Variants in ARSK observed in about 807,000 individuals in gnomAD.
ARSK encodes arylsulfatase K.
Under a neutral mutation model 53.2 loss-of-function variants are expected in ARSK, and 37 were observed. The ratio of observed to expected loss-of-function variants is 0.70; its 90% CI spans 0.54 to 0.92. The LOEUF (loss-of-function observed/expected upper bound fraction) is 0.92. ARSK is among the 40% of genes least tolerant of loss of function. ARSK has a pLI of 0.00. For missense variants in ARSK, 613 were observed against 643.0 expected, an observed-to-expected ratio of 0.95 and a Z score of 0.51; for synonymous variants, 208 against 223.2, an observed-to-expected ratio of 0.93 and a Z score of 0.61.
chr5:95,583,240 A>G, intron 4 of ARSK, 42 bp downstream of exon 4: 1 of 1,420,854 alleles, frequency 7.0e-7, no homozygotes, highest in South Asian at 1.7e-5. Context: ...AGATTTATAT[A>G]TGTGGCTTAT....
At chr5:95,597,922 G>C (rs1386732376) in intron 6 of ARSK, among the ~76,000 whole-genome samples, 1 of 150,642 alleles carries the variant, frequency 6.6e-6, no homozygotes, top group Non-Finnish European at 1.5e-5. Flanking sequence ...GCGGGTAATA[G>C]TGGCTATTTC....
chr5:95,583,266 GTTTCT>G (rs1749052953), intron 4 of ARSK, 68 bp downstream of exon 4: 5 of 1,302,780 alleles, frequency 3.8e-6, no homozygotes, highest in Non-Finnish European at 5.0e-6. Context: ...TTTGCTCATT[GTTTCT>G]TTTATTATCA....
At chr5:95,595,613 A>G (rs1749294498) in intron 6 of ARSK, among the ~76,000 whole-genome samples, 1 of 151,742 alleles carries the variant, frequency 6.6e-6, no homozygotes, top group Admixed American at 6.6e-5. Flanking sequence ...TGAGAACTAA[A>G]CATTGGTTAC....
Position 95,568,167 on chromosome 5 carries a change from C to T in ARSK, c.416+118C>T, listed in dbSNP as rs138325419. 305 of 1,119,694 alleles carry T rather than the reference C, an allele frequency of 2.7e-4. 2 individuals carry two copies. In the African/African-American group the frequency reaches 4.1e-3, roughly 15 times the overall value. The allele number at this position is 1,119,694 out of a possible 1,614,324, so 69.4% of individuals were successfully genotyped here. A position where few individuals can be genotyped will look rare whatever the true frequency, so the allele number is the denominator to read the frequency against. On this transcript the variant is annotated intron_variant, in intron 3 of 7. Coordinates refer to ENST00000380009, the MANE Select transcript of ARSK (RefSeq NM_198150.3). ...AAAGGTGAAAGTAAATCTCTTAATC[C>T]CTTCATTGTGTTAATTAGGCTGAAA...
At chr5:95,559,827 C>T (rs1266087620) in intron 1 of ARSK, among the ~76,000 whole-genome samples, 3 of 152,136 alleles carry the variant, frequency 2.0e-5, no homozygotes, top group Non-Finnish European at 4.4e-5. Flanking sequence ...TGCTATACAG[C>T]ATTGTACTGG....
At chr5:95,579,514 G>A (rs950725876) in intron 3 of ARSK, among the ~76,000 whole-genome samples, 3 of 152,160 alleles carry the variant, frequency 2.0e-5, no homozygotes, top group Non-Finnish European at 2.9e-5. Flanking sequence ...CCATCCCCAT[G>A]ATTCAATTAC....
Position 95,582,911 on chromosome 5 carries a change from C to T in ARSK, c.417-5C>T. On this transcript the variant is annotated splice_region_variant and splice_polypyrimidine_tract_variant and intron_variant, in intron 3 of 7. Coordinates refer to ENST00000380009, the MANE Select transcript of ARSK (RefSeq NM_198150.3). ...GACAATATATGTGTCTTTTTGCCCCCTCAGTAATCGTGTGGAAGCGTGGAC... is the reference window on the plus strand; with the variant it reads ...GACAATATATGTGTCTTTTTGCCCCTTCAGTAATCGTGTGGAAGCGTGGAC... 6.3e-7 allele frequency: 1 copy of T among 1,582,770 alleles called. No individual in the cohort carries two copies. Among genetic ancestry groups the T allele is most frequent in the Non-Finnish European group, 8.6e-7 (1 of 1,160,952 alleles).
At chr5:95,583,853 C>T (rs987666593) in intron 4 of ARSK, among the ~76,000 whole-genome samples, 2 of 152,126 alleles carry the variant, frequency 1.3e-5, no homozygotes. Flanking sequence ...TTAACTTTTG[C>T]ACTTTCAATG....
chr5:95,556,251 A>AT, intron 1 of ARSK: 1 of 701,900 alleles, frequency 1.4e-6, no homozygotes, highest in Non-Finnish European at 2.6e-6. Context: ...TGCCCATGGG[A>AT]TTTTTTGAAA....
At chr5:95,585,661 G>T (rs1749099930) in intron 4 of ARSK, among the ~76,000 whole-genome samples, 1 of 152,124 alleles carries the variant, frequency 6.6e-6, no homozygotes, top group South Asian at 2.1e-4. Flanking sequence ...GGGACTGGTT[G>T]GGGGAAGGTG....
At chr5:95,581,998 T>C (rs1472109173) in intron 3 of ARSK, among the ~76,000 whole-genome samples, 1 of 152,166 alleles carries the variant, frequency 6.6e-6, no homozygotes, top group African/African-American at 2.4e-5. Flanking sequence ...TTTTAGCTTA[T>C]ATATGGGTGG....
At chr5:95,586,461 T>G in intron 4 of ARSK, 101 bp from the exon 5 acceptor site, 1 of 908,864 alleles carries the variant, frequency 1.1e-6, no homozygotes, top group Admixed American at 2.6e-5. Flanking sequence ...TTTCTACTAT[T>G]CTAAGTAATT....
At chr5:95,557,565 G>A (rs1748544787) in intron 1 of ARSK, among the ~76,000 whole-genome samples, 1 of 152,100 alleles carries the variant, frequency 6.6e-6, no homozygotes, top group South Asian at 2.1e-4. Context: ...CAGTTTCTTT[G>A]AAGTTTTTGT....
At chr5:95,592,156 A>G (rs1749229077) in intron 6 of ARSK, among the ~76,000 whole-genome samples, 1 of 152,228 alleles carries the variant, frequency 6.6e-6, no homozygotes, top group Middle Eastern at 3.2e-3. Flanking sequence ...TAGAATAACG[A>G]CATAATCAAA....
chr5:95,580,865 G>T, intron 3 of ARSK: 1 of 1,266,342 alleles, frequency 7.9e-7, no homozygotes, highest in South Asian at 1.3e-5. Context: ...AATTTGCAAA[G>T]AAATAAATTG....
In ARSK at chr5:95,576,872, T is replaced by A. The variant is rs115930216; in HGVS notation, c.417-6044T>A. On this transcript the variant is annotated intron_variant, in intron 3 of 7. Transcript: ENST00000380009. The stretch of plus-strand genomic sequence containing the variant: ...CAGCTGCATCTTTAAAACCTCCAGT[T>A]ACTGGATTATTTTCTTTCTAAATTT... Among the ~76,000 whole-genome samples the A allele has an allele frequency of 6.9e-3, 1,045 of 152,276 alleles. 14 individuals are homozygous for A. Among genetic ancestry groups the A allele is most frequent in the African/African-American group, 0.024 (999 of 41,546 alleles).
chr5:95,600,623 A>G (rs1427081267), intron 6 of ARSK: 2 of 667,052 alleles, frequency 3.0e-6, no homozygotes, highest in Non-Finnish European at 5.5e-6. Flanking sequence ...CCCTTCTTAC[A>G]GATGAGAAAA....
intron 6 of ARSK, among the ~76,000 whole-genome samples, chr5:95,592,929 G>C (rs1183261361): frequency 1.3e-5 from 2 of 152,056 alleles, no homozygotes; most frequent in African/African-American, 4.8e-5. Flanking sequence ...ATCACACTCA[G>C]CCATATCTGG....
At position 95,586,823 on chromosome 5, in the gene ARSK, A is replaced by G. The variant is rs964892750; in HGVS notation, c.871+90A>G. The G allele has an allele frequency of 4.3e-6, 5 of 1,154,944 alleles. No homozygotes were observed. The Admixed American group carries it at 1.4e-4, about 33-fold the overall frequency. 71.5% of individuals were successfully genotyped at this position (1,154,944 alleles called of 1,614,324 possible). A position where few individuals can be genotyped will look rare whatever the true frequency, so the allele number is the denominator to read the frequency against. ...AATCATGCTGCTTGGTGACTTTCTT[A>G]CAAAGTTGCTTATAACTATAGGAAT... is the stretch of plus-strand genomic sequence containing the variant. On this transcript the variant is annotated intron_variant, in intron 5 of 7. Transcript: ENST00000380009.
Sources: gnomAD v4.1 joint callset for allele counts (sites outside exome capture counted in the v4.1 genomes callset) on GRCh38, gnomAD v4.1.1 for gene constraint, MANE v1.5 for transcripts, NCBI Gene and HGNC (gene_info 2026-07-23, HGNC 2026-07-21) for gene names.